Variants in RANBP17 observed in about 807,000 individuals in gnomAD.
The protein encoded by RANBP17 is ran-binding protein 17.
RANBP17 carries 158 observed loss-of-function variants against 141.2 expected under a neutral mutation model. The observed-to-expected ratio is 1.12, with a 90% confidence interval of 0.98 to 1.28. RANBP17 has a LOEUF of 1.28. RANBP17 is among the 50% of genes most tolerant of loss of function. The pLI, the probability that RANBP17 is intolerant of heterozygous loss-of-function variation, is 0.00. For synonymous variants in RANBP17, 430 were observed against 450.0 expected (o/e 0.96, Z 0.56); for missense variants, 1,438 against 1,290.7 (o/e 1.11, Z -1.75).
chr5:171,056,737 A>T (rs533584292), intron 14 of RANBP17, among the ~76,000 whole-genome samples: 1 of 152,166 alleles, frequency 6.6e-6, no homozygotes. Flanking sequence ...AAAGTTTGTC[A>T]TATATTAAAG....
chr5:171,088,729 A>T (rs971772257), intron 14 of RANBP17, among the ~76,000 whole-genome samples: 24 of 151,996 alleles, frequency 1.6e-4, no homozygotes, highest in African/African-American at 5.8e-4. Flanking sequence ...TCCATCACTG[A>T]TACCCTTTCT....
At chr5:171,011,587 T>G (rs1197367717) in intron 14 of RANBP17, among the ~76,000 whole-genome samples, 4 of 152,076 alleles carry the variant, frequency 2.6e-5, no homozygotes, top group African/African-American at 9.6e-5. Context: ...TACCTCTCTC[T>G]TTCTACATCT....
At chr5:171,047,426 CT>C (rs371071471) in intron 14 of RANBP17, among the ~76,000 whole-genome samples, 19 of 134,394 alleles carry the variant, frequency 1.4e-4, no homozygotes, top group East Asian at 2.3e-4. Context: ...AGTCTTAACC[CT>C]TTTTTTTTTG....
At chr5:171,260,216 G>A (rs537891830) in intron 24 of RANBP17, among the ~76,000 whole-genome samples, 29 of 149,666 alleles carry the variant, frequency 1.9e-4, no homozygotes, top group Non-Finnish European at 2.7e-4. Context: ...CAGGAGAATC[G>A]CTTGAACCCG....
chr5:171,084,008 T>A (rs939334444), intron 14 of RANBP17, among the ~76,000 whole-genome samples: 10 of 150,764 alleles, frequency 6.6e-5, no homozygotes, highest in Admixed American at 5.3e-4. Flanking sequence ...ATGTGCACAT[T>A]GTGCAGGTTA....
chr5:171,246,870 T>A (rs1765244183), intron 24 of RANBP17, among the ~76,000 whole-genome samples: 1 of 152,190 alleles, frequency 6.6e-6, no homozygotes, highest in African/African-American at 2.4e-5. Context: ...TTGACTCTCT[T>A]CATTCTCAGA....
intron 14 of RANBP17, among the ~76,000 whole-genome samples, chr5:171,102,341 T>C (rs184453867): frequency 7.6e-4 from 116 of 152,238 alleles, no homozygotes; most frequent in Non-Finnish European, 1.1e-3. Context: ...CTTGATTAAG[T>C]TGATCTTCAG....
At chr5:170,959,576 C>T (rs553492364) in intron 13 of RANBP17, among the ~76,000 whole-genome samples, 11 of 152,252 alleles carry the variant, frequency 7.2e-5, no homozygotes, top group African/African-American at 2.6e-4. Flanking sequence ...CACCAACCTT[C>T]CACACAGTTG....
intron 14 of RANBP17, among the ~76,000 whole-genome samples, chr5:171,151,850 C>A (rs1758510706): frequency 6.6e-6 from 1 of 152,078 alleles, no homozygotes; most frequent in Admixed American, 6.6e-5. Flanking sequence ...TTCAGTAATA[C>A]AACTAAACCA....
chr5:171,254,407 C>T (rs1765761476), intron 24 of RANBP17, among the ~76,000 whole-genome samples: 2 of 152,062 alleles, frequency 1.3e-5, no homozygotes. Flanking sequence ...TTTCAGATGT[C>T]ATTTTTTTAC....
chr5:170,866,061 C>T (rs565360434), intron 1 of RANBP17, among the ~76,000 whole-genome samples: 145 of 152,242 alleles, frequency 9.5e-4, no homozygotes, highest in Non-Finnish European at 1.9e-3. Flanking sequence ...TGATTGTCCA[C>T]GTGTTTGAAA....
rs1758839049 is a variant in RANBP17, at chr5:171,155,524, T to G, written c.1711-14606T>G. ...TACATTGATGTTATACAATTATGATTTATGATGATAATAATTCCCCTAATT... is the reference window on the plus strand; with the variant it reads ...TACATTGATGTTATACAATTATGATGTATGATGATAATAATTCCCCTAATT... On this transcript the variant is annotated intron_variant, in intron 14 of 27. Coordinates refer to ENST00000523189, the MANE Select transcript of RANBP17 (RefSeq NM_022897.5). Among the ~76,000 whole-genome samples, 2 of 152,282 alleles carry G rather than the reference T, an allele frequency of 1.3e-5. 1 individual carries two copies. Among genetic ancestry groups the G allele is most frequent in the South Asian group, 4.1e-4 (2 of 4,826 alleles).
At chr5:170,893,824 T>C (rs1432698523) in intron 4 of RANBP17, among the ~76,000 whole-genome samples, 1 of 152,010 alleles carries the variant, frequency 6.6e-6, no homozygotes, top group African/African-American at 2.4e-5. Context: ...CCATGCTCTG[T>C]TAGTATTCTT....
chr5:170,994,659 C>A (rs1258438197), intron 14 of RANBP17, among the ~76,000 whole-genome samples: 1 of 151,992 alleles, frequency 6.6e-6, no homozygotes. Context: ...GGTTTACTTG[C>A]TTATTTGTTG....
In RANBP17 at chr5:171,191,006, A is replaced by T. The variant is rs747077140; in HGVS notation, c.2038+7576A>T. On this transcript the variant is annotated intron_variant, in intron 18 of 27. Coordinates refer to ENST00000523189, the MANE Select transcript of RANBP17 (RefSeq NM_022897.5). ...TTCCTCGGGTATTTAAACTCTAAGA[A>T]ACAGTCATATTTTTAATTACTAGGG... Among the ~76,000 whole-genome samples, 38 of 152,208 alleles carry T rather than the reference A, an allele frequency of 2.5e-4. 1 individual carries two copies. The highest frequency in any genetic ancestry group is 5.4e-4 in the Non-Finnish European group (37 of 68,042).
intron 16 of RANBP17, among the ~76,000 whole-genome samples, chr5:171,175,060 C>T (rs1469450631): frequency 6.6e-6 from 1 of 151,978 alleles, no homozygotes; most frequent in African/African-American, 2.4e-5. Context: ...GTTTGGTTTT[C>T]TGTCCCGTGT....
In RANBP17 at chr5:171,298,892, T is replaced by C; in HGVS notation, c.*34T>C. Reference sequence around the variant, plus strand: ...TTCTGACCATGTGCGGAGCAGCCTTTATCAAGAGACTCCTGAAGGTCTGGG... The same window carrying C: ...TTCTGACCATGTGCGGAGCAGCCTTCATCAAGAGACTCCTGAAGGTCTGGG... On this transcript the variant is annotated 3_prime_UTR_variant, in exon 28 of 28. Coordinates refer to ENST00000523189, the MANE Select transcript of RANBP17 (RefSeq NM_022897.5). The C allele has an allele frequency of 6.5e-7, 1 of 1,542,116 alleles. No homozygotes were observed. The highest frequency in any genetic ancestry group is 9.0e-7 in the Non-Finnish European group (1 of 1,114,898).
intron 16 of RANBP17, among the ~76,000 whole-genome samples, chr5:171,180,681 T>G (rs1233426367): frequency 1.3e-5 from 2 of 152,232 alleles, no homozygotes; most frequent in Non-Finnish European, 2.9e-5. Context: ...TTCTATAAGA[T>G]AACATAAATA....
chr5:171,281,079 C>T (rs1767832475), intron 25 of RANBP17, among the ~76,000 whole-genome samples: 1 of 152,218 alleles, frequency 6.6e-6, no homozygotes, highest in Non-Finnish European at 1.5e-5. Flanking sequence ...GAACCACTCC[C>T]TCCTGTGGTG....
Sources: gnomAD v4.1 joint callset for allele counts (sites outside exome capture counted in the v4.1 genomes callset) on GRCh38, gnomAD v4.1.1 for gene constraint, MANE v1.5 for transcripts, NCBI Gene and HGNC (gene_info 2026-07-23, HGNC 2026-07-21) for gene names.